Variants in PROCR observed in about 807,000 individuals in gnomAD.
PROCR encodes the protein protein C receptor, also known as endothelial protein C receptor.
In PROCR, 22 loss-of-function variants were observed where a neutral mutation model predicts 24.2. The ratio of observed to expected loss-of-function variants is 0.91; its 90% CI spans 0.65 to 1.30. PROCR has a LOEUF of 1.30. Ranked by LOEUF, PROCR falls within the 50% of genes most tolerant of loss-of-function variation. PROCR has a pLI of 0.00. For synonymous variants in PROCR, 137 were observed against 139.2 expected (o/e 0.98, Z 0.11); for missense variants, 288 against 307.7 (o/e 0.94, Z 0.48).
intron 1 of PROCR, among the ~76,000 whole-genome samples, chr20:35,189,266 G>T (rs1050401171): frequency 1.1e-4 from 6 of 53,550 alleles, no homozygotes; most frequent in African/African-American, 5.7e-4. Context: ...AACGCATTCC[G>T]GGGGGGGGCC....
At chr20:35,176,044 C>G (rs2086012475) in intron 2 of PROCR, 124 bp from the exon 3 acceptor site, 4 of 1,161,026 alleles carry the variant, frequency 3.4e-6, no homozygotes, top group East Asian at 2.3e-5. Flanking sequence ...GTTCCCTGAC[C>G]TAGACTCCCC....
downstream of PROCR, chr20:35,216,258 C>T (rs2060381852): frequency 6.6e-6 from 1 of 152,182 alleles, no homozygotes; most frequent in Non-Finnish European, 1.5e-5. Flanking sequence ...CTTGTTCCTG[C>T]ATTTTCTTTT....
At chr20:35,180,217 A>T (rs886199592), downstream of PROCR, among the ~76,000 whole-genome samples, 5 of 152,014 alleles carry the variant, frequency 3.3e-5, no homozygotes, top group Non-Finnish European at 7.4e-5. Context: ...ACTGCACTCC[A>T]GCCTGGGCAA....
chr20:35,199,030 T>A (rs777238081), intron 1 of PROCR, among the ~76,000 whole-genome samples: 1 of 152,118 alleles, frequency 6.6e-6, no homozygotes, highest in Non-Finnish European at 1.5e-5. Flanking sequence ...CTAGGACTTT[T>A]ATAGCTAAAG....
rs116663280 is a variant in PROCR, at chr20:35,199,783, G to T, written c.95-16110G>T. Among the ~76,000 whole-genome samples the T allele has an allele frequency of 4.4e-3, 671 of 151,922 alleles. 2 individuals carry two copies. Among genetic ancestry groups the T allele is most frequent in the African/African-American group, 0.015 (638 of 41,404 alleles). ...AAAAAACATTTCATAGGCTAGAGCT[G>T]CCATAGATAGTGATTTCTCTGGATG... On this transcript the variant is annotated intron_variant, in intron 1 of 1. Coordinates refer to the PROCR transcript ENST00000634509.
chr20:35,192,241 A>G (rs1193721296), intron 1 of PROCR, among the ~76,000 whole-genome samples: 9 of 152,228 alleles, frequency 5.9e-5, no homozygotes, highest in South Asian at 4.1e-4. Context: ...ACGTTTACCT[A>G]TGTTCACTGA....
Position 35,176,702 on chromosome 20 carries a change from C to G in PROCR, c.606C>G (p.Ser202Arg). 1 of 1,608,430 alleles carries G rather than the reference C, an allele frequency of 6.2e-7. No individual in the cohort carries two copies. The change falls in exon 4 of 4, where the codon AGC (serine) becomes AGG (arginine). Residue 202 changes from serine to arginine, a missense_variant. Transcript: ENST00000216968. ...AACTCTTTGCATGTTCTGCAGGGAGCCAAACAAGCCGCTCCTACACTTCGC... is the reference window on the plus strand; with the variant it reads ...AACTCTTTGCATGTTCTGCAGGGAGGCAAACAAGCCGCTCCTACACTTCGC... Reference protein sequence around the residue: ...KHISAENTKGSQTSRSYTSLV... With the variant: ...KHISAENTKGRQTSRSYTSLV...
downstream of PROCR, among the ~76,000 whole-genome samples, chr20:35,179,501 G>A (rs578059769): frequency 6.6e-5 from 10 of 151,364 alleles, no homozygotes; most frequent in East Asian, 9.7e-4. Context: ...AGCCATGATC[G>A]TGCCACCACA....
chr20:35,174,944 A>G lies in PROCR; in HGVS notation c.313A>G (p.Thr105Ala), dbSNP rs773835107. ...CGTGCGCCTGGTGCACCAGGAGCGG[A>G]CCTTGGCCTGTGAGTAGGCGCGCAG... ...GLVRLVHQER[T>A]LAFPLTIRCF... The change falls in exon 2 of 4, where the codon ACC becomes GCC. Residue 105 changes from threonine (T) to alanine (A), a missense_variant. By Grantham distance (58) the Thr-to-Ala change is moderately conservative. Coordinates refer to ENST00000216968, the MANE Select transcript of PROCR (RefSeq NM_006404.5). 5.8e-6 allele frequency: 8 copies of G among 1,390,200 alleles called. No homozygotes were observed. The highest frequency in any genetic ancestry group is 3.8e-5 in the East Asian group (1 of 26,594). 86.1% of individuals were successfully genotyped at this position (1,390,200 alleles called of 1,614,324 possible).
chr20:35,205,407 A>T (rs978436135), intron 1 of PROCR, among the ~76,000 whole-genome samples: 2 of 151,186 alleles, frequency 1.3e-5, no homozygotes, highest in African/African-American at 4.9e-5. Flanking sequence ...TGATAAAAAA[A>T]AAAAAATCTC....
chr20:35,212,518 G>A (rs533436476), intron 1 of PROCR, among the ~76,000 whole-genome samples: 16 of 152,322 alleles, frequency 1.1e-4, no homozygotes, highest in Admixed American at 8.5e-4. Flanking sequence ...CTGCTGGGAA[G>A]TTATTACTGC....
intron 1 of PROCR, among the ~76,000 whole-genome samples, chr20:35,183,551 TA>T (rs934198576): frequency 6.6e-5 from 10 of 152,326 alleles, no homozygotes; most frequent in Admixed American, 2.0e-4. Context: ...TCTTTTCTTT[TA>T]TAAATTAGCC....
intron 1 of PROCR, chr20:35,215,801 T>C (rs2060380230): frequency 1.2e-5 from 11 of 903,786 alleles, no homozygotes; most frequent in Non-Finnish European, 1.5e-5. Context: ...GCTGCTGAAA[T>C]AGGAATTCAG....
At chr20:35,209,481 G>A (rs2060354013) in intron 1 of PROCR, among the ~76,000 whole-genome samples, 1 of 152,148 alleles carries the variant, frequency 6.6e-6, no homozygotes, top group Non-Finnish European at 1.5e-5. Context: ...AAAGTTGGGA[G>A]TTGTTGGGAT....
At chr20:35,188,831 C>T (rs529077352) in intron 1 of PROCR, among the ~76,000 whole-genome samples, 27 of 152,178 alleles carry the variant, frequency 1.8e-4, no homozygotes, top group African/African-American at 2.6e-4. Flanking sequence ...TCAGGGACCC[C>T]GAACAGAGGG....
downstream of PROCR, among the ~76,000 whole-genome samples, chr20:35,179,104 G>A (rs1175178623): frequency 2.0e-5 from 3 of 150,936 alleles, no homozygotes; most frequent in Non-Finnish European, 2.9e-5. Flanking sequence ...ATGGTTGCGG[G>A]CGCCTGTAGT....
intron 1 of PROCR, among the ~76,000 whole-genome samples, chr20:35,201,374 T>G (rs2060317603): frequency 6.6e-6 from 1 of 152,098 alleles, no homozygotes; most frequent in Non-Finnish European, 1.5e-5. Context: ...AAAATGTAAA[T>G]GGTCTAAACA....
intron 1 of PROCR, among the ~76,000 whole-genome samples, chr20:35,210,656 C>T (rs764227988): frequency 1.3e-4 from 20 of 151,814 alleles, no homozygotes; most frequent in Non-Finnish European, 1.9e-4. Flanking sequence ...TTAATTGCCC[C>T]GTGCAATGTA....
At chr20:35,182,651 G>A (rs1600739211) in intron 1 of PROCR, among the ~76,000 whole-genome samples, 1 of 152,260 alleles carries the variant, frequency 6.6e-6, no homozygotes, top group East Asian at 1.9e-4. Flanking sequence ...AAGATGCATT[G>A]TATAACTAGA....
Sources: gnomAD v4.1 joint callset for allele counts (sites outside exome capture counted in the v4.1 genomes callset) on GRCh38, gnomAD v4.1.1 for gene constraint, MANE v1.5 for transcripts, NCBI Gene and HGNC (gene_info 2026-07-23, HGNC 2026-07-21) for gene names.